The following TSSK4 variants were observed in gnomAD, a reference collection of about 807,000 sequenced individuals.
TSSK4 encodes testis specific serine kinase 4.
A neutral mutation model predicts 28.5 loss-of-function variants in TSSK4; 22 were observed. The observed-to-expected ratio is 0.77, with a 90% CI of 0.55 to 1.10. The LOEUF is 1.10. Among genes scored for constraint, TSSK4 ranks in the 50% least tolerant of loss-of-function variants. TSSK4 has a pLI of 0.00. For missense variants in TSSK4, 329 were observed against 415.4 expected (o/e 0.79, Z 1.81); for synonymous variants, 151 against 158.3 (o/e 0.95, Z 0.35).
At chr14:24,206,258 C>A in intron 1 of TSSK4, 110 bp downstream of exon 1, 1 of 1,059,804 alleles carries the variant, frequency 9.4e-7, no homozygotes, top group Non-Finnish European at 1.4e-6. Flanking sequence ...TAAACCAGAA[C>A]TGAAATGTCT....
At position 24,207,380 on chromosome 14, in the gene TSSK4, G is replaced by A; in HGVS notation, c.705G>A (p.Met235Ile). ...CTTTCCTGTCTGACACCTGGAGCAT[G>A]GGCGTCATCCTTTACACTCTAGTGG... ...YNPFLSDTWS[M>I]GVILYTLVVA... Residue 235 changes from methionine (M) to isoleucine (I), a missense_variant, in exon 3 of 4, where the codon ATG becomes ATA. Met to Ile is a conservative substitution (Grantham distance 10). Transcript: ENST00000339917. 1 of 1,614,126 alleles carries A rather than the reference G, an allele frequency of 6.2e-7. No homozygotes were observed.
rs1015737252 is a variant in TSSK4 at position 24,206,137 on chromosome 14, C to T, written c.214C>T (p.Arg72Cys). The stretch of plus-strand genomic sequence containing the variant: ...TGACTATCTTAACAAGTTCCTGCCC[C>T]GTGAAATACAGGTTGGAAAGGGGGC... ...SDDYLNKFLP[R>C]EIQVMKVLRH... Residue 72 changes from arginine to cysteine, a missense_variant, in exon 1 of 4, where the codon CGT becomes TGT. Arg to Cys is a radical substitution (Grantham distance 180). This residue lies in a region of TSSK4 where 175 missense variants were observed against 196.0 expected (regional missense o/e 0.89). Transcript: ENST00000339917. 1.4e-5 allele frequency: 22 copies of T among 1,613,828 alleles called. No individual in the cohort carries two copies. The highest frequency in any genetic ancestry group is 1.8e-5 in the Non-Finnish European group (21 of 1,179,996).
In TSSK4 at chr14:24,206,849, A is replaced by G. The variant is rs1447656352; in HGVS notation, c.440+126A>G. 17 of 1,089,836 alleles carry G rather than the reference A, an allele frequency of 1.6e-5. No individual in the cohort carries two copies. The South Asian group carries it at 2.3e-4, about 15-fold the overall frequency. 67.5% of individuals were successfully genotyped at this position (1,089,836 alleles called of 1,614,324 possible). ...AATATCTAGCCTATTCATGCACTCTATTTTAATCATATGGTCAAGGATACT... is the reference window on the plus strand; with the variant it reads ...AATATCTAGCCTATTCATGCACTCTGTTTTAATCATATGGTCAAGGATACT... On this transcript the variant is annotated intron_variant, in intron 2 of 3. Coordinates refer to ENST00000339917, the MANE Select transcript of TSSK4 (RefSeq NM_001184739.2).
In TSSK4 at chr14:24,207,206, T is replaced by G; in HGVS notation, c.531T>G (p.Phe177Leu). 1 of 1,614,202 alleles carries G rather than the reference T, an allele frequency of 6.2e-7. No homozygotes were observed. The highest frequency in any genetic ancestry group is 8.5e-7 in the Non-Finnish European group (1 of 1,180,042). Reference sequence around the variant, plus strand: ...GGGAGAATGTGAAGATATCAGACTTTGGCTTTGCCAAGATGGTGCCTTCTA... The same window carrying G: ...GGGAGAATGTGAAGATATCAGACTTGGGCTTTGCCAAGATGGTGCCTTCTA... The part of the protein sequence containing the change: ...DKWENVKISD[F>L]GFAKMVPSNQ... The change falls in exon 3 of 4, where the codon TTT (phenylalanine) becomes TTG (leucine). Residue 177 changes from phenylalanine to leucine, a missense_variant. By Grantham distance (22) the Phe-to-Leu change is conservative. Around this residue, in one of 3 missense-constraint regions of TSSK4, gnomAD observed 15 missense variants for 41.2 expected, o/e 0.36. Coordinates refer to ENST00000339917, the MANE Select transcript of TSSK4 (RefSeq NM_001184739.2).
At chr14:24,206,369 C>T in intron 1 of TSSK4, 140 bp from the exon 2 acceptor site, 8 of 988,216 alleles carry the variant, frequency 8.1e-6, no homozygotes, top group Non-Finnish European at 1.2e-5. Context: ...TAGCATTTGC[C>T]CACAGGCCAC....
In TSSK4 at chr14:24,206,102, A is replaced by C; in HGVS notation, c.179A>C (p.Lys60Thr). 1 of 1,614,208 alleles carries C rather than the reference A, an allele frequency of 6.2e-7. No homozygotes were observed. The highest frequency in any genetic ancestry group is 8.5e-7 in the Non-Finnish European group (1 of 1,180,038). Residue 60 changes from lysine (K) to threonine (T), a missense_variant, in exon 1 of 4, where the codon AAG becomes ACG. This residue lies in a region of TSSK4 where 175 missense variants were observed against 196.0 expected (regional missense o/e 0.89). Transcript: ENST00000339917. The stretch of plus-strand genomic sequence containing the variant: ...GCAGTCAAGATCATCTCAAAGAAGA[A>C]GGCCTCTGATGACTATCTTAACAAG... ...MVAVKIISKKKASDDYLNKFL... is the reference protein window; with the variant it reads ...MVAVKIISKKTASDDYLNKFL...
At chr14:24,207,003 T>G (rs1472436364) in intron 2 of TSSK4, 113 bp from the exon 3 acceptor site, 1 of 1,433,644 alleles carries the variant, frequency 7.0e-7, no homozygotes, top group East Asian at 2.3e-5. Flanking sequence ...CTTTCCTTCC[T>G]CTCTACCTTG....
In TSSK4 at chr14:24,207,372, T is replaced by C; in HGVS notation, c.697T>C (p.Trp233Arg). 6.2e-7 allele frequency: 1 copy of C among 1,614,180 alleles called. No individual in the cohort carries two copies. Among genetic ancestry groups the C allele is most frequent in the South Asian group, 1.1e-5 (1 of 91,086 alleles). The change falls in exon 3 of 4, where the codon TGG becomes CGG. Residue 233 changes from tryptophan (W) to arginine (R), a missense_variant. Trp to Arg is a moderately radical substitution (Grantham distance 101, BLOSUM62 -3). Transcript: ENST00000339917. The stretch of plus-strand genomic sequence containing the variant: ...CTACAACCCTTTCCTGTCTGACACC[T>C]GGAGCATGGGCGTCATCCTTTACAC... Reference protein sequence around the residue: ...LPYNPFLSDTWSMGVILYTLV... With the variant: ...LPYNPFLSDTRSMGVILYTLV...
rs375622483 is a variant in TSSK4 at position 24,206,709 on chromosome 14, G to A, written c.426G>A (p.Lys142=). 71 of 1,613,620 alleles carry A rather than the reference G, an allele frequency of 4.4e-5. No individual in the cohort carries two copies. The highest frequency in any genetic ancestry group is 5.8e-5 in the Non-Finnish European group (68 of 1,180,034). The change falls in exon 2 of 4, where the codon AAG becomes AAA. Residue 142 remains lysine, a synonymous_variant. Transcript: ENST00000339917. ...TGGGCATTGCCTACCTGCACAGCAA[G>A]AGCATCGTGCACCGGTGAGGGCGCT... ...LTLGIAYLHS[K]SIVHRLMPSL... is the part of the protein sequence containing the mutation.
Position 24,206,027 on chromosome 14 carries a change from C to G in TSSK4, c.104C>G (p.Ser35Cys), listed in dbSNP as rs146066616. 1 of 1,614,166 alleles carries G rather than the reference C, an allele frequency of 6.2e-7. No individual in the cohort carries two copies. Among genetic ancestry groups the G allele is most frequent in the East Asian group, 2.2e-5 (1 of 44,880 alleles). Reference sequence around the variant, plus strand: ...GTGGGCAAGGCCATTGGCCATGGCTCCTATGGGTCGGTATATGAGGCTTTC... The same window carrying G: ...GTGGGCAAGGCCATTGGCCATGGCTGCTATGGGTCGGTATATGAGGCTTTC... Reference protein sequence around the residue: ...YEVGKAIGHGSYGSVYEAFYT... With the variant: ...YEVGKAIGHGCYGSVYEAFYT... Residue 35 changes from serine to cysteine, a missense_variant, in exon 1 of 4, where the codon TCC (serine) becomes TGC (cysteine). Ser to Cys is a moderately radical substitution (Grantham distance 112). Around this residue, in one of 3 missense-constraint regions of TSSK4, gnomAD observed 175 missense variants for 196.0 expected, o/e 0.89. Coordinates refer to ENST00000339917, the MANE Select transcript of TSSK4 (RefSeq NM_001184739.2).
Position 24,207,191 on chromosome 14 carries a change from G to A in TSSK4, c.516G>A (p.Val172=). ...TGTTGCTGGACAAGTGGGAGAATGT[G>A]AAGATATCAGACTTTGGCTTTGCCA... The part of the protein sequence containing the change: ...ENLLLDKWEN[V]KISDFGFAKM... The change falls in exon 3 of 4, where the codon GTG becomes GTA. Residue 172 remains valine, a synonymous_variant. Coordinates refer to ENST00000339917, the MANE Select transcript of TSSK4 (RefSeq NM_001184739.2). 6.2e-7 allele frequency: 1 copy of A among 1,614,046 alleles called. No homozygotes were observed. Among genetic ancestry groups the A allele is most frequent in the Non-Finnish European group, 8.5e-7 (1 of 1,180,038 alleles).
chr14:24,206,378 A>T, intron 1 of TSSK4, 131 bp from the exon 2 acceptor site: 1 of 1,041,948 alleles, frequency 9.6e-7, no homozygotes, highest in Non-Finnish European at 1.4e-6. Context: ...CCCACAGGCC[A>T]CCAGTTCTCT....
At chr14:24,207,886 T>C (rs550079293) in intron 3 of TSSK4, 78 bp from the exon 4 acceptor site, 327 of 1,609,764 alleles carry the variant, frequency 2.0e-4, no homozygotes, top group Non-Finnish European at 2.5e-4. Context: ...CCTGCTTCTT[T>C]CTTAGGTCCA....
In TSSK4 at chr14:24,208,195, G is replaced by A. The variant is rs536549660; in HGVS notation, c.*49G>A. ...GAGAGGAGCAAAGCAGGAGGTCTTG[G>A]GCTAAAAATCTTTTTTACCAAAAAT... On this transcript the variant is annotated 3_prime_UTR_variant, in exon 4 of 4. Coordinates refer to ENST00000339917, the MANE Select transcript of TSSK4 (RefSeq NM_001184739.2). The A allele has an allele frequency of 2.0e-6, 3 of 1,513,162 alleles. No homozygotes were observed. The highest frequency in any genetic ancestry group is 2.6e-5 in the South Asian group (2 of 76,586). 93.7% of individuals were successfully genotyped at this position (1,513,162 alleles called of 1,614,324 possible).
chr14:24,206,249 A>T, intron 1 of TSSK4, 101 bp downstream of exon 1: 2 of 1,131,614 alleles, frequency 1.8e-6, no homozygotes, highest in Admixed American at 4.1e-5. Context: ...AGAAACCCCT[A>T]AACCAGAACT....
rs952881846 is a variant in TSSK4, at chr14:24,205,768, G to A, written c.-156G>A. On this transcript the variant is annotated 5_prime_UTR_variant, in exon 1 of 4. Coordinates refer to ENST00000339917, the MANE Select transcript of TSSK4 (RefSeq NM_001184739.2). ...TCCCCCTCCAAGTTCCTAGTGGAGG[G>A]CTGAGTCCAGCATCCCAGACTCGTG... The A allele has an allele frequency of 8.2e-6, 5 of 611,094 alleles. No homozygotes were observed. The highest frequency in any genetic ancestry group is 1.2e-5 in the Non-Finnish European group (4 of 337,672). The allele number at this position is 611,094 out of a possible 1,614,324, so 37.9% of individuals were successfully genotyped here.
chr14:24,206,232 TG>T, intron 1 of TSSK4, 84 bp downstream of exon 1: 1 of 1,343,760 alleles, frequency 7.4e-7, no homozygotes, highest in Non-Finnish European at 1.0e-6. Flanking sequence ...CCAGGAGGGG[TG>T]GGGCCAGAAA....
At position 24,207,299 on chromosome 14, in the gene TSSK4, C is replaced by T. The variant is rs757755969; in HGVS notation, c.624C>T (p.Tyr208=). 2 of 1,614,158 alleles carry T rather than the reference C, an allele frequency of 1.2e-6. No individual in the cohort carries two copies. The highest frequency in any genetic ancestry group is 1.7e-6 in the Non-Finnish European group (2 of 1,180,002). ...GCTTTTCCCACCTCAGCCAGACTTA[C>T]TGTGGCAGCTTTGCTTACGCTTGCC... ...VNCFSHLSQT[Y]CGSFAYACPE... The change falls in exon 3 of 4, where the codon TAC becomes TAT. Residue 208 remains tyrosine, a synonymous_variant. Transcript: ENST00000339917.
chr14:24,207,575 C>T, intron 3 of TSSK4, 66 bp downstream of exon 3: 4 of 1,522,874 alleles, frequency 2.6e-6, no homozygotes, highest in Middle Eastern at 2.0e-4. Flanking sequence ...AATATCCAAC[C>T]TAGGTCACCC....
Sources: gnomAD v4.1 joint callset for allele counts on GRCh38, gnomAD v4.1.1 for gene constraint, gnomAD v4.1.1 regional missense constraint, MANE v1.5 for transcripts, NCBI Gene and HGNC (gene_info 2026-07-23, HGNC 2026-07-21) for gene names.